PCDHGB5: variants seen among roughly 807,000 people sequenced by gnomAD.
PCDHGB5 encodes the protein protocadherin gamma subfamily B, 5.
Under a neutral mutation model 62.9 loss-of-function variants are expected in PCDHGB5, and 48 were observed. That is an observed-to-expected ratio of 0.76 (90% CI 0.61 to 0.97). PCDHGB5 has a LOEUF of 0.97. Ranked by LOEUF, PCDHGB5 falls within the 50% of genes least tolerant of loss-of-function variation. The pLI is 0.00. For synonymous variants in PCDHGB5, 474 were observed against 511.2 expected (o/e 0.93, Z 0.98); for missense variants, 1,118 against 1,198.6 (o/e 0.93, Z 0.99).
At chr5:141,465,792 T>A (rs1262092940) in intron 1 of PCDHGB5, among the ~76,000 whole-genome samples, 2 of 152,018 alleles carry the variant, frequency 1.3e-5, no homozygotes, top group Non-Finnish European at 2.9e-5. Flanking sequence ...TTTTTTTTTT[T>A]AAGAAACCCT....
chr5:141,438,591 C>CATATATATATAT (rs946798767), intron 1 of PCDHGB5, among the ~76,000 whole-genome samples: 3 of 75,560 alleles, frequency 4.0e-5, no homozygotes, highest in Non-Finnish European at 5.4e-5. Flanking sequence ...TACATACATA[C>CATATATATATAT]ATATATATAT....
At chr5:141,437,032 C>T (rs2097859215) in intron 1 of PCDHGB5, among the ~76,000 whole-genome samples, 1 of 152,182 alleles carries the variant, frequency 6.6e-6, no homozygotes, top group Admixed American at 6.5e-5. Context: ...GAAAATGGAT[C>T]ACCGAAACCA....
rs770235234 is a variant in PCDHGB5 at position 141,422,145 on chromosome 5, G to T, written c.2397+21621G>T. On this transcript the variant is annotated intron_variant, in intron 1 of 3. Coordinates refer to ENST00000617380, the MANE Select transcript of PCDHGB5 (RefSeq NM_018925.3). Reference sequence around the variant, plus strand: ...AAACTGGAGAAGTTCAAGTACGGGGGTCTCTGGATTTTGAAAAATATAGAT... The same window carrying T: ...AAACTGGAGAAGTTCAAGTACGGGGTTCTCTGGATTTTGAAAAATATAGAT... The T allele has an allele frequency of 8.2e-6, 13 of 1,580,608 alleles. No individual in the cohort carries two copies. The African/African-American group carries it at 1.5e-4, about 18-fold the overall frequency.
rs1055747392 is a variant in PCDHGB5 at position 141,490,298 on chromosome 5, C to G, written c.2398-4509C>G. 6.2e-7 allele frequency: 1 copy of G among 1,614,178 alleles called. No individual in the cohort carries two copies. The highest frequency in any genetic ancestry group is 1.3e-5 in the African/African-American group (1 of 75,036). On this transcript the variant is annotated intron_variant, in intron 1 of 3. Transcript: ENST00000617380. The surrounding 1 kb of genome is among the most constrained non-coding windows in gnomAD (Gnocchi z 5.4). ...GACAATGCCCCAGAGGTGCTATTGG[C>G]CTCTTTGGCCAACCCTGTCCTAGAG...
At position 141,489,662 on chromosome 5, in the gene PCDHGB5, G is replaced by A. The variant is rs2233601; in HGVS notation, c.2398-5145G>A. On this transcript the variant is annotated intron_variant, in intron 1 of 3. Coordinates refer to ENST00000617380, the MANE Select transcript of PCDHGB5 (RefSeq NM_018925.3). This position sits in a 1 kb window ranked among gnomAD's most constrained non-coding sequence, Gnocchi z 4.5. ...TTTGCCACCCCTGAGCGAGAGATGC[G>A]CATCTCAGAATCAGCAGCATCTGGG... The A allele has an allele frequency of 4.0e-4, 649 of 1,614,144 alleles. 2 individuals are homozygous for A. The highest frequency in any genetic ancestry group is 1.5e-3 in the Middle Eastern group (9 of 6,062).
Position 141,398,776 on chromosome 5 carries a change from G to C in PCDHGB5, c.649G>C (p.Gly217Arg). Residue 217 changes from glycine to arginine, a missense_variant, in exon 1 of 4, where the codon GGT becomes CGT. Physicochemically the swap from Gly to Arg is moderately radical, Grantham distance 125 (BLOSUM62 -2). This residue lies in a region of PCDHGB5 where 1,034 missense variants were observed against 1,029.1 expected (regional missense o/e 1.00). Transcript: ENST00000617380. ...TCGTTTAGTCCTGACTGCCTTGGAC[G>C]GTGGACATCCACCCCTAAGCGGCAC... ...YHRLVLTALD[G>R]GHPPLSGTTE... 1.2e-6 allele frequency: 2 copies of C among 1,613,904 alleles called. No individual in the cohort carries two copies.
Position 141,398,878 on chromosome 5 carries a change from C to T in PCDHGB5, c.751C>T (p.Leu251Phe). The change falls in exon 1 of 4, where the codon CTT (leucine) becomes TTT (phenylalanine). Residue 251 changes from leucine (L) to phenylalanine (F), a missense_variant. By Grantham distance (22) the Leu-to-Phe change is conservative. This residue lies in a region of PCDHGB5 where 1,034 missense variants were observed against 1,029.1 expected (regional missense o/e 1.00). Coordinates refer to ENST00000617380, the MANE Select transcript of PCDHGB5 (RefSeq NM_018925.3). Reference protein sequence around the residue: ...VFNRDVYRVSLRENVPPGTTV... With the variant: ...VFNRDVYRVSFRENVPPGTTV... ...CAACCGAGACGTGTACAGAGTCAGC[C>T]TTCGGGAAAACGTGCCACCAGGCAC... 2 of 1,613,968 alleles carry T rather than the reference C, an allele frequency of 1.2e-6. No individual in the cohort carries two copies. Among genetic ancestry groups the T allele is most frequent in the Non-Finnish European group, 1.7e-6 (2 of 1,179,908 alleles).
chr5:141,398,914 C>G lies in PCDHGB5; in HGVS notation c.787C>G (p.Gln263Glu). 6.2e-7 allele frequency: 1 copy of G among 1,613,964 alleles called. No homozygotes were observed. The highest frequency in any genetic ancestry group is 8.5e-7 in the Non-Finnish European group (1 of 1,179,878). Reference protein sequence around the residue: ...ENVPPGTTVLQVSATDQDEGI... With the variant: ...ENVPPGTTVLEVSATDQDEGI... ...CGTGCCACCAGGCACCACTGTGTTG[C>G]AAGTGTCAGCCACTGACCAAGACGA... The change falls in exon 1 of 4, where the codon CAA becomes GAA. Residue 263 changes from glutamine to glutamate, a missense_variant. Transcript: ENST00000617380.
chr5:141,505,041 C>T (rs1028101225), intron 2 of PCDHGB5, among the ~76,000 whole-genome samples: 4 of 152,142 alleles, frequency 2.6e-5, no homozygotes, highest in African/African-American at 9.7e-5. Flanking sequence ...AGGTGCCTGT[C>T]ATCCCAGCTA....
At chr5:141,495,896 CTCTG>C (rs1175207502) in intron 2 of PCDHGB5, among the ~76,000 whole-genome samples, 2 of 152,108 alleles carry the variant, frequency 1.3e-5, no homozygotes, top group Non-Finnish European at 2.9e-5. Flanking sequence ...CTCTCTTTGT[CTCTG>C]TCTCTGTATA....
At chr5:141,484,499 A>G (rs567556335) in intron 1 of PCDHGB5, among the ~76,000 whole-genome samples, 20 of 152,344 alleles carry the variant, frequency 1.3e-4, no homozygotes, top group African/African-American at 4.6e-4. Flanking sequence ...CCGTTTCTGA[A>G]TATTCTGCAG....
Position 141,433,071 on chromosome 5 carries a change from C to T in PCDHGB5, c.2397+32547C>T, listed in dbSNP as rs2097566106. On this transcript the variant is annotated intron_variant, in intron 1 of 3. Transcript: ENST00000617380. ...TCGCGGAAGAGTCACCTGATCTTCC[C>T]CCAGCCCAACTATGCAGACATGCTC... 2.5e-6 allele frequency: 4 copies of T among 1,614,154 alleles called. No homozygotes were observed. The East Asian group carries it at 8.9e-5, about 36-fold the overall frequency.
intron 1 of PCDHGB5, among the ~76,000 whole-genome samples, chr5:141,483,599 G>A (rs1419379218): frequency 6.6e-6 from 1 of 152,048 alleles, no homozygotes; most frequent in African/African-American, 2.4e-5. Flanking sequence ...GGTCAGGCTG[G>A]TTTACACCTC....
chr5:141,432,610 C>T lies in PCDHGB5; in HGVS notation c.2397+32086C>T, dbSNP rs1481968343. 9.3e-6 allele frequency: 15 copies of T among 1,613,954 alleles called. No homozygotes were observed. Among genetic ancestry groups the T allele is most frequent in the Non-Finnish European group, 1.3e-5 (15 of 1,179,978 alleles). On this transcript the variant is annotated intron_variant, in intron 1 of 3. Transcript: ENST00000617380. This position sits in a 1 kb window ranked among gnomAD's most constrained non-coding sequence, Gnocchi z 6.0. The stretch of plus-strand genomic sequence containing the variant: ...TCAAGGCCAGCGAGCCGGGACTCTT[C>T]TCGGTGGGTCTGCACACGGGCGAGG...
intron 1 of PCDHGB5, among the ~76,000 whole-genome samples, chr5:141,434,888 C>T (rs1287540129): frequency 6.6e-6 from 1 of 150,944 alleles, no homozygotes; most frequent in Non-Finnish European, 1.5e-5. Flanking sequence ...AACAACAATC[C>T]AGTCCCCTTC....
chr5:141,441,442 C>G (rs938839707), intron 1 of PCDHGB5: 1 of 160,500 alleles, frequency 6.2e-6, no homozygotes, highest in African/African-American at 2.4e-5. Context: ...CTCGTCCAGC[C>G]CAAGCATCAC....
At chr5:141,415,122 C>G (rs552568826) in intron 1 of PCDHGB5, 1 of 1,613,668 alleles carries the variant, frequency 6.2e-7, no homozygotes, top group Non-Finnish European at 8.5e-7. Context: ...TCGTAGTGGC[C>G]GTCCAGGACC....
rs201911174 is a variant in PCDHGB5, at chr5:141,399,894, C to T, written c.1767C>T (p.Ala589=). The change falls in exon 1 of 4, where the codon GCC becomes GCT. Residue 589 remains alanine (A), a synonymous_variant. Coordinates refer to ENST00000617380, the MANE Select transcript of PCDHGB5 (RefSeq NM_018925.3). ...GCTACCTGGTGACCAAGGTAGTGGC[C>T]GTGGACGCAGACTCAGGACACAACG... is the stretch of plus-strand genomic sequence containing the variant. ...EPGYLVTKVV[A]VDADSGHNAW... is the part of the protein sequence containing the mutation. 3 of 1,612,570 alleles carry T rather than the reference C, an allele frequency of 1.9e-6. No homozygotes were observed. The highest frequency in any genetic ancestry group is 2.5e-6 in the Non-Finnish European group (3 of 1,179,784).
At chr5:141,463,803 A>G (rs975202568) in intron 1 of PCDHGB5, among the ~76,000 whole-genome samples, 1 of 152,150 alleles carries the variant, frequency 6.6e-6, no homozygotes, top group Non-Finnish European at 1.5e-5. Flanking sequence ...AATGTCTAAA[A>G]GCTTTTATCA....
Sources: gnomAD v4.1 joint callset for allele counts (sites outside exome capture counted in the v4.1 genomes callset) on GRCh38, gnomAD v4.1.1 for gene constraint, gnomAD v4.1.1 regional missense constraint, Gnocchi (gnomAD v3.1) non-coding constraint, MANE v1.5 for transcripts, NCBI Gene and HGNC (gene_info 2026-07-23, HGNC 2026-07-21) for gene names.